IL1RAPL1: variants seen among roughly 807,000 people sequenced by gnomAD.
IL1RAPL1 encodes the protein interleukin 1 receptor accessory protein like 1.
In IL1RAPL1, 3 loss-of-function variants were observed where a neutral mutation model predicts 48.4. That is an observed-to-expected ratio of 0.06 (90% CI 0.03 to 0.16). The LOEUF is 0.16. IL1RAPL1 is among the 10% of genes least tolerant of loss of function. The pLI, the probability that IL1RAPL1 is intolerant of heterozygous loss-of-function variation, is 1.00. For missense variants in IL1RAPL1, 349 were observed against 530.6 expected, an observed-to-expected ratio of 0.66 and a Z score of 3.36; for synonymous variants, 185 against 187.7, an observed-to-expected ratio of 0.99 and a Z score of 0.12.
chrX:29,348,398 G>A (rs1182948944), intron 3 of IL1RAPL1, among the ~76,000 whole-genome samples: 1 of 112,165 alleles, frequency 8.9e-6, no homozygotes. Flanking sequence ...TAGTGAGAAA[G>A]AAAATGGAAG....
chrX:29,862,833 A>C (rs773902611), intron 6 of IL1RAPL1, among the ~76,000 whole-genome samples: 8 of 109,338 alleles, frequency 7.3e-5, no homozygotes, highest in Non-Finnish European at 1.3e-4. Flanking sequence ...GAGTGCTGTG[A>C]CAGACTCATT....
rs760710204 is a variant in IL1RAPL1 at position 28,756,009 on chromosome X, A to G, written c.-24-33311A>G. Among the ~76,000 whole-genome samples, 7 of 111,734 alleles carry G rather than the reference A, an allele frequency of 6.3e-5. No individual in the cohort carries two copies. In the South Asian group the frequency reaches 2.6e-3, roughly 42 times the overall value. On this transcript the variant is annotated intron_variant, in intron 1 of 10. Coordinates refer to ENST00000378993, the MANE Select transcript of IL1RAPL1 (RefSeq NM_014271.4). ...CCTCTCTTTGCCCACTTTTCTATGCACAGAGCTATTTTTTATACACCCTGC... is the reference window on the plus strand; with the variant it reads ...CCTCTCTTTGCCCACTTTTCTATGCGCAGAGCTATTTTTTATACACCCTGC...
intron 6 of IL1RAPL1, among the ~76,000 whole-genome samples, chrX:29,776,412 A>G (rs1686087612): frequency 9.0e-6 from 1 of 111,453 alleles, no homozygotes; most frequent in Non-Finnish European, 1.9e-5. Flanking sequence ...TTGTAATCGT[A>G]TTACTTTTAC....
chrX:28,981,417 CT>C (rs1925338824), intron 2 of IL1RAPL1, among the ~76,000 whole-genome samples: 1 of 110,795 alleles, frequency 9.0e-6, no homozygotes, highest in African/African-American at 3.3e-5. Flanking sequence ...TTCAGGACCC[CT>C]GAACCAATAT....
intron 2 of IL1RAPL1, among the ~76,000 whole-genome samples, chrX:29,272,065 C>T (rs781517251): frequency 6.3e-5 from 7 of 111,583 alleles, no homozygotes; most frequent in African/African-American, 2.0e-4. Context: ...TTTAATTCAG[C>T]TTGAGTTAAT....
chrX:29,727,607 G>A (rs1433994439), intron 6 of IL1RAPL1, among the ~76,000 whole-genome samples: 1 of 111,711 alleles, frequency 9.0e-6, no homozygotes, highest in African/African-American at 3.3e-5. Flanking sequence ...TTGACTTACA[G>A]ACAGTATGTC....
At chrX:29,848,959 G>T (rs1931305837) in intron 6 of IL1RAPL1, among the ~76,000 whole-genome samples, 1 of 110,214 alleles carries the variant, frequency 9.1e-6, no homozygotes, top group African/African-American at 3.3e-5. Flanking sequence ...TAGAGATGGG[G>T]TTTCACCACG....
intron 2 of IL1RAPL1, among the ~76,000 whole-genome samples, chrX:29,180,465 C>A (rs748818397): frequency 9.1e-6 from 1 of 109,605 alleles, no homozygotes; most frequent in Non-Finnish European, 1.9e-5. Context: ...CAACCTCCAC[C>A]TCCCGGGTTC....
intron 2 of IL1RAPL1, among the ~76,000 whole-genome samples, chrX:29,049,375 C>A (rs760278428): frequency 6.2e-5 from 7 of 112,196 alleles, no homozygotes; most frequent in Admixed American, 9.5e-5. Flanking sequence ...GCACAAAAAA[C>A]CATATTTTTA....
At chrX:28,859,972 G>T (rs112300917) in intron 2 of IL1RAPL1, among the ~76,000 whole-genome samples, 5,785 of 110,365 alleles carry the variant, frequency 0.052, 295 homozygotes, top group East Asian at 0.24. Flanking sequence ...AAATCATTTA[G>T]TTTTTCCATT....
rs1304122013 is a variant in IL1RAPL1, at chrX:29,292,439, A to T, written c.362+9222A>T. Reference sequence around the variant, plus strand: ...TAGACCCAAACAAGTAACTGCTATAACTGTAGTATAAACAATTTAAGTAAT... The same window carrying T: ...TAGACCCAAACAAGTAACTGCTATATCTGTAGTATAAACAATTTAAGTAAT... On this transcript the variant is annotated intron_variant, in intron 3 of 10. Coordinates refer to ENST00000378993, the MANE Select transcript of IL1RAPL1 (RefSeq NM_014271.4). 1.3e-4 allele frequency among the ~76,000 whole-genome samples: 14 copies of T among 111,704 alleles called. No homozygotes were observed. The Admixed American group carries it at 1.3e-3, about 11-fold the overall frequency.
intron 5 of IL1RAPL1, among the ~76,000 whole-genome samples, chrX:29,634,896 A>C (rs1444846959): frequency 1.8e-5 from 2 of 112,051 alleles, no homozygotes. Flanking sequence ...GGGAGATGAA[A>C]ACTTCAAAAA....
rs1391674592 is a variant in IL1RAPL1 at position 29,752,076 on chromosome X, G to GTGTGTA, written c.778+83573_778+83574insGTGTAT. ...TATATATATATGTATATATATGTGT[G>GTGTGTA]TATGTATATATATATATATATATAT... On this transcript the variant is annotated intron_variant, in intron 6 of 10. Transcript: ENST00000378993. 1.3e-3 allele frequency among the ~76,000 whole-genome samples: 116 copies of GTGTGTA among 89,455 alleles called. 1 individual carries two copies. Among genetic ancestry groups the GTGTGTA allele is most frequent in the African/African-American group, 5.0e-3 (113 of 22,554 alleles). 77.7% of individuals were successfully genotyped at this position (89,455 alleles called of 115,157 possible).
intron 2 of IL1RAPL1, among the ~76,000 whole-genome samples, chrX:28,790,141 A>T (rs1232387244): frequency 2.7e-5 from 3 of 112,121 alleles, no homozygotes; most frequent in Non-Finnish European, 1.9e-5. Context: ...CCATGCTCAC[A>T]CTATGTGGAG....
intron 1 of IL1RAPL1, among the ~76,000 whole-genome samples, chrX:28,597,751 A>C (rs1460607380): frequency 1.8e-5 from 2 of 110,473 alleles, no homozygotes; most frequent in Admixed American, 9.8e-5. Flanking sequence ...ATAAATAAGC[A>C]AACAAACCAC....
chrX:29,450,746 G>A (rs749749385), intron 5 of IL1RAPL1, among the ~76,000 whole-genome samples: 1 of 111,865 alleles, frequency 8.9e-6, no homozygotes, highest in African/African-American at 3.2e-5. Flanking sequence ...TCAAATGAAA[G>A]TTGTTAAAAT....
intron 2 of IL1RAPL1, among the ~76,000 whole-genome samples, chrX:28,871,709 C>T (rs12390283): frequency 0.01 from 1,158 of 111,642 alleles, 22 homozygotes; most frequent in African/African-American, 0.036. Flanking sequence ...CAGGAATGTA[C>T]GTTTTATCAG....
At chrX:28,640,296 C>T (rs1434189318) in intron 1 of IL1RAPL1, among the ~76,000 whole-genome samples, 1 of 111,130 alleles carries the variant, frequency 9.0e-6, no homozygotes, top group Non-Finnish European at 1.9e-5. Flanking sequence ...TATGCCAAGC[C>T]ATATATTAGA....
At chrX:28,791,045 A>G (rs111510312) in intron 2 of IL1RAPL1, among the ~76,000 whole-genome samples, 1,929 of 111,967 alleles carry the variant, frequency 0.017, 46 homozygotes, top group African/African-American at 0.059. Context: ...AGAAATATTG[A>G]TTAATTCTTT....
Sources: allele counts gnomAD v4.1 joint callset (sites outside exome capture counted in the v4.1 genomes callset), GRCh38; gene constraint gnomAD v4.1.1; transcripts MANE v1.5; gene names NCBI Gene and HGNC (gene_info 2026-07-23, HGNC 2026-07-21).